Variants in BFSP1 observed in about 807,000 individuals in gnomAD.
BFSP1 encodes the protein filensin.
A neutral mutation model predicts 43.9 loss-of-function variants in BFSP1; 38 were observed. The observed-to-expected ratio is 0.87, with a 90% CI of 0.67 to 1.14. The LOEUF (loss-of-function observed/expected upper bound fraction) is 1.14. Among genes scored for constraint, BFSP1 ranks in the 50% most tolerant of loss-of-function variants. The pLI, the probability that BFSP1 is intolerant of heterozygous loss-of-function variation, is 0.00. For synonymous variants in BFSP1, 352 were observed against 354.8 expected, an observed-to-expected ratio of 0.99 and a Z score of 0.09; for missense variants, 850 against 875.1, an observed-to-expected ratio of 0.97 and a Z score of 0.36.
At chr20:17,526,125 GTT>G (rs201625297) in intron 1 of BFSP1, among the ~76,000 whole-genome samples, 9 of 75,502 alleles carry the variant, frequency 1.2e-4, no homozygotes, top group Middle Eastern at 0.015. Flanking sequence ...CACTTTTTCT[GTT>G]TTTTTCTGTA....
At chr20:17,514,377 A>G (rs1338433470) in intron 3 of BFSP1, among the ~76,000 whole-genome samples, 1 of 152,220 alleles carries the variant, frequency 6.6e-6, no homozygotes, top group Admixed American at 6.5e-5. Context: ...AGGCAGAGCT[A>G]AAAACAAGAC....
chr20:17,511,165 AT>A (rs2123486062), intron 4 of BFSP1, among the ~76,000 whole-genome samples: 1 of 152,304 alleles, frequency 6.6e-6, no homozygotes, highest in East Asian at 1.9e-4. Flanking sequence ...CATAAACCAT[AT>A]TAGGAAAAGC....
chr20:17,509,131 G>T (rs911093804), intron 4 of BFSP1, 135 bp from the exon 5 acceptor site: 14 of 620,844 alleles, frequency 2.3e-5, no homozygotes, highest in Non-Finnish European at 3.5e-5. Context: ...TAACTCCCAA[G>T]ATGAAGGTTT....
At chr20:17,557,848 T>G (rs1260280199) in intron 1 of BFSP1, among the ~76,000 whole-genome samples, 1 of 152,202 alleles carries the variant, frequency 6.6e-6, no homozygotes, top group Non-Finnish European at 1.5e-5. Flanking sequence ...GAAAGGCAGA[T>G]CCAAGCTGCT....
At chr20:17,564,777 C>T (rs910654127) in intron 1 of BFSP1, among the ~76,000 whole-genome samples, 5 of 152,014 alleles carry the variant, frequency 3.3e-5, no homozygotes, top group African/African-American at 4.8e-5. Flanking sequence ...TTAGTAGAGA[C>T]GGGGTTTCAC....
chr20:17,537,741 A>G lies in BFSP1; in HGVS notation c.3-12833T>C, dbSNP rs2034652242. 5.3e-5 allele frequency among the ~76,000 whole-genome samples: 8 copies of G among 152,178 alleles called. No homozygotes were observed. The South Asian group carries it at 1.7e-3, about 32-fold the overall frequency. ...GGACATTGTGATGACAATTGATGAA[A>G]TTTGAATATGGAATGAGGATTGATA... On this transcript the variant is annotated intron_variant, in intron 1 of 7. Coordinates refer to the BFSP1 transcript ENST00000377868.
chr20:17,555,106 C>A (rs1173578524), intron 1 of BFSP1, among the ~76,000 whole-genome samples: 1 of 151,550 alleles, frequency 6.6e-6, no homozygotes, highest in Admixed American at 6.6e-5. Context: ...TGAAACCAGC[C>A]TGGTCAACAA....
intron 1 of BFSP1, among the ~76,000 whole-genome samples, chr20:17,556,642 G>A (rs1235077588): frequency 6.6e-6 from 1 of 152,048 alleles, no homozygotes; most frequent in African/African-American, 2.4e-5. Context: ...TTTTAAACCA[G>A]TAGTAGAGCT....
In BFSP1 at chr20:17,509,146, A is replaced by AGGTGG. The variant is rs3830775; in HGVS notation, c.628-151_628-150insCCACC. ...TAACTCCCAAGATGAAGGTTTTAGG[A>AGGTGG]GACCTTTGGAAGGTGTTAGGGTTAG... On this transcript the variant is annotated intron_variant, in intron 4 of 7. Coordinates refer to ENST00000377873, the MANE Select transcript of BFSP1 (RefSeq NM_001195.5). 92,080 of 581,842 alleles carry AGGTGG rather than the reference A, an allele frequency of 0.16. 9,843 individuals carry two copies. The highest frequency in any genetic ancestry group is 0.42 in the East Asian group (12,462 of 29,602). 36.0% of individuals were successfully genotyped at this position (581,842 alleles called of 1,614,324 possible). A position where few individuals can be genotyped will look rare whatever the true frequency, so the allele number is the denominator to read the frequency against.
upstream of BFSP1, among the ~76,000 whole-genome samples, chr20:17,536,173 G>A (rs192354077): frequency 3.3e-5 from 5 of 152,306 alleles, no homozygotes; most frequent in Admixed American, 2.0e-4. Flanking sequence ...AATACCAGAT[G>A]CATGGTAATT....
intron 2 of BFSP1, among the ~76,000 whole-genome samples, chr20:17,520,324 A>G (rs1266004087): frequency 1.3e-5 from 2 of 152,060 alleles, no homozygotes; most frequent in African/African-American, 4.8e-5. Flanking sequence ...TGGAGAAATA[A>G]CTAGAATTTG....
intron 5 of BFSP1, among the ~76,000 whole-genome samples, chr20:17,505,279 G>A (rs551192480): frequency 6.6e-6 from 1 of 152,298 alleles, no homozygotes; most frequent in Non-Finnish European, 1.5e-5. Context: ...GACTGAGCCC[G>A]CAGAGCCACG....
At chr20:17,495,820 C>T (rs1302643268) in intron 7 of BFSP1, among the ~76,000 whole-genome samples, 1 of 152,234 alleles carries the variant, frequency 6.6e-6, no homozygotes, top group Non-Finnish European at 1.5e-5. Context: ...GCCCAAAAGT[C>T]ATCCCCTGCA....
At chr20:17,503,724 A>ATTG (rs2033860888) in intron 5 of BFSP1, among the ~76,000 whole-genome samples, 1 of 152,176 alleles carries the variant, frequency 6.6e-6, no homozygotes, top group East Asian at 1.9e-4. Context: ...ACAATATGCA[A>ATTG]GCACACACGT....
chr20:17,518,498 C>A (rs1220543214), intron 2 of BFSP1, among the ~76,000 whole-genome samples: 5 of 152,178 alleles, frequency 3.3e-5, no homozygotes, highest in African/African-American at 1.2e-4. Flanking sequence ...CGATCAGACC[C>A]AGACTGATGC....
At chr20:17,506,060 C>T (rs1260736916) in intron 5 of BFSP1, among the ~76,000 whole-genome samples, 1 of 152,210 alleles carries the variant, frequency 6.6e-6, no homozygotes, top group African/African-American at 2.4e-5. Context: ...ACGTGTAAGT[C>T]CAAGTCATTG....
At chr20:17,541,639 AAG>A (rs1249544834) in intron 1 of BFSP1, among the ~76,000 whole-genome samples, 1 of 152,372 alleles carries the variant, frequency 6.6e-6, no homozygotes, top group South Asian at 2.1e-4. Flanking sequence ...TGAACAAAAT[AAG>A]AGAGGTCCTT....
chr20:17,525,004 C>A lies in BFSP1; in HGVS notation c.378-96G>T. Reference sequence around the variant, plus strand: ...CATTAAATTCAACCTGGGTACGATGCCCTCTCCTTTAAGGAGAGGGTCTTA... The same window carrying A: ...CATTAAATTCAACCTGGGTACGATGACCTCTCCTTTAAGGAGAGGGTCTTA... On this transcript the variant is annotated intron_variant, in intron 1 of 7. Transcript: ENST00000377873. This position sits in a 1 kb window ranked among gnomAD's most constrained non-coding sequence, Gnocchi z 4.2. 1 of 1,084,694 alleles carries A rather than the reference C, an allele frequency of 9.2e-7. No individual in the cohort carries two copies. The highest frequency in any genetic ancestry group is 2.4e-5 in the East Asian group (1 of 42,332). 67.2% of individuals were successfully genotyped at this position (1,084,694 alleles called of 1,614,324 possible). A position where few individuals can be genotyped will look rare whatever the true frequency, so the allele number is the denominator to read the frequency against.
chr20:17,552,341 C>T (rs940405609), intron 1 of BFSP1, among the ~76,000 whole-genome samples: 1 of 152,010 alleles, frequency 6.6e-6, no homozygotes, highest in Non-Finnish European at 1.5e-5. Context: ...GGTGCAGAGG[C>T]CATCATGGCA....
Sources: allele counts gnomAD v4.1 joint callset (sites outside exome capture counted in the v4.1 genomes callset), GRCh38; gene constraint gnomAD v4.1.1; non-coding constraint Gnocchi (gnomAD v3.1); transcripts MANE v1.5; gene names NCBI Gene and HGNC (gene_info 2026-07-23, HGNC 2026-07-21).